EPB41L3: variants seen among roughly 807,000 people sequenced by gnomAD.
The protein encoded by EPB41L3 is erythrocyte membrane protein band 4.1 like 3.
EPB41L3 carries 57 observed loss-of-function variants against 127.1 expected under a neutral mutation model. The ratio of observed to expected loss-of-function variants is 0.45; its 90% CI spans 0.36 to 0.56. EPB41L3 has a LOEUF of 0.56. Ranked by LOEUF, EPB41L3 falls within the 20% of genes least tolerant of loss-of-function variation. The pLI is 0.00. For missense variants in EPB41L3, 1,273 were observed against 1,372.2 expected (o/e 0.93, Z 1.14); for synonymous variants, 572 against 549.5 (o/e 1.04, Z -0.57).
intron 3 of EPB41L3, among the ~76,000 whole-genome samples, chr18:5,593,257 CCT>C (rs2094503654): frequency 6.6e-6 from 1 of 151,682 alleles, no homozygotes; most frequent in African/African-American, 2.4e-5. Flanking sequence ...AAAATTCACC[CCT>C]GATATTTCAT....
chr18:5,476,069 C>CA (rs1156733194), intron 3 of EPB41L3, among the ~76,000 whole-genome samples: 1 of 152,048 alleles, frequency 6.6e-6, no homozygotes, highest in African/African-American at 2.4e-5. Context: ...TTTCAACTAG[C>CA]ACCTCATTGC....
At chr18:5,510,829 C>T (rs2092474033) in intron 1 of EPB41L3, among the ~76,000 whole-genome samples, 1 of 152,130 alleles carries the variant, frequency 6.6e-6, no homozygotes, top group South Asian at 2.1e-4. Context: ...CCATCACCCT[C>T]AAATTTTATC....
At chr18:5,541,033 C>G (rs1229452109) in intron 1 of EPB41L3, among the ~76,000 whole-genome samples, 2 of 137,822 alleles carry the variant, frequency 1.5e-5, no homozygotes, top group East Asian at 4.3e-4. Context: ...TGCAGTGAGC[C>G]GAGATCGCAC....
At chr18:5,488,879 GC>G in intron 2 of EPB41L3, 121 bp downstream of exon 2, 2 of 1,073,816 alleles carry the variant, frequency 1.9e-6, no homozygotes, top group Non-Finnish European at 2.6e-6. Context: ...TCTGCCTGGG[GC>G]TAGAAGGGGA....
Position 5,543,272 on chromosome 18 carries a change from C to G in EPB41L3, c.-12+641G>C, listed in dbSNP as rs1568547856. The G allele has an allele frequency of 6.6e-6, 1 of 150,818 alleles. No individual in the cohort carries two copies. Among genetic ancestry groups the G allele is most frequent in the Admixed American group, 6.6e-5 (1 of 15,126 alleles). The allele number at this position is 150,818 out of a possible 1,614,324, so 9.3% of individuals were successfully genotyped here. A position where few individuals can be genotyped will look rare whatever the true frequency, so the allele number is the denominator to read the frequency against. ...ACGAGGCAAGTTATATAAAAGCGGC[C>G]GGCCCCCCTGCCCAGCGGGGATGCT... is the stretch of plus-strand genomic sequence containing the variant. On this transcript the variant is annotated intron_variant, in intron 1 of 22. Coordinates refer to ENST00000341928, the MANE Select transcript of EPB41L3 (RefSeq NM_012307.5). The surrounding 1 kb of genome is among the most constrained non-coding windows in gnomAD (Gnocchi z 5.2).
chr18:5,627,491 T>C (rs2094934762), intron 1 of EPB41L3, among the ~76,000 whole-genome samples: 1 of 152,226 alleles, frequency 6.6e-6, no homozygotes, highest in Admixed American at 6.5e-5. Context: ...GCCTTCTTAT[T>C]TGAAGTGATT....
intron 3 of EPB41L3, among the ~76,000 whole-genome samples, chr18:5,567,888 G>A (rs1389778586): frequency 6.6e-6 from 1 of 152,024 alleles, no homozygotes; most frequent in Non-Finnish European, 1.5e-5. Flanking sequence ...ACTTAATCCA[G>A]AGAATATTTT....
At chr18:5,405,777 AAAACAAAC>A (rs10645523) in intron 16 of EPB41L3, among the ~76,000 whole-genome samples, 3 of 149,076 alleles carry the variant, frequency 2.0e-5, no homozygotes, top group Non-Finnish European at 3.0e-5. Context: ...CACCATCTCA[AAAACAAAC>A]AAACAAACAA....
intron 3 of EPB41L3, among the ~76,000 whole-genome samples, chr18:5,460,905 C>T (rs1191304471): frequency 6.6e-6 from 1 of 152,078 alleles, no homozygotes; most frequent in African/African-American, 2.4e-5. Flanking sequence ...ATACTGGGTG[C>T]ATTTATGTAA....
rs2093943567 is a variant in EPB41L3 at position 5,550,110 on chromosome 18, T to G, written c.-305-60949A>C. Reference sequence around the variant, plus strand: ...TGCAACTCTGACCTTAATTTCCAAGTTTTTACAAAGTTGCCAAGGGATGTC... The same window carrying G: ...TGCAACTCTGACCTTAATTTCCAAGGTTTTACAAAGTTGCCAAGGGATGTC... On this transcript the variant is annotated intron_variant, in intron 3 of 21. Transcript: ENST00000545076. Among the ~76,000 whole-genome samples the G allele has an allele frequency of 2.0e-5, 3 of 152,314 alleles. No homozygotes were observed. In the South Asian group the frequency reaches 6.2e-4, roughly 32 times the overall value.
intron 1 of EPB41L3, among the ~76,000 whole-genome samples, chr18:5,522,665 A>G (rs565103073): frequency 6.6e-6 from 1 of 152,364 alleles, no homozygotes; most frequent in East Asian, 1.9e-4. Flanking sequence ...AACACACTGA[A>G]TGTTTTTGAC....
At chr18:5,503,791 T>G (rs2091939322) in intron 1 of EPB41L3, among the ~76,000 whole-genome samples, 1 of 152,200 alleles carries the variant, frequency 6.6e-6, no homozygotes, top group Admixed American at 6.5e-5. Context: ...GATATGCCAT[T>G]TTGTTTTTCT....
chr18:5,453,909 G>T (rs910177636), intron 3 of EPB41L3, among the ~76,000 whole-genome samples: 1 of 152,092 alleles, frequency 6.6e-6, no homozygotes, highest in African/African-American at 2.4e-5. Flanking sequence ...TTCCCCCCAT[G>T]CTTCCTGCCC....
chr18:5,582,985 G>A (rs1186491772), intron 3 of EPB41L3, among the ~76,000 whole-genome samples: 2 of 152,188 alleles, frequency 1.3e-5, no homozygotes, highest in African/African-American at 4.8e-5. Context: ...TGATGGAAGG[G>A]ACCCTGCGGA....
chr18:5,407,716 T>A lies in EPB41L3; in HGVS notation c.2142A>T (p.Ala714=), dbSNP rs957686879. Residue 714 remains alanine, a synonymous_variant, in exon 15 of 23, where the codon GCA becomes GCT. Transcript: ENST00000341928. ...TATESDQEED[A]ELKAQELEKT... ...AATTTTCTACCTGTGCCTTGAGCTC[T>A]GCATCTTCCTCCTGGTCCGACTGCC... 3 of 1,614,090 alleles carry A rather than the reference T, an allele frequency of 1.9e-6. No individual in the cohort carries two copies. The highest frequency in any genetic ancestry group is 2.5e-6 in the Non-Finnish European group (3 of 1,179,972).
chr18:5,571,333 C>A (rs2094278065), intron 3 of EPB41L3, among the ~76,000 whole-genome samples: 1 of 152,178 alleles, frequency 6.6e-6, no homozygotes, highest in Non-Finnish European at 1.5e-5. Flanking sequence ...TCTCTTGTCT[C>A]TATTTTGAAA....
At chr18:5,524,157 C>T (rs910174987) in intron 1 of EPB41L3, among the ~76,000 whole-genome samples, 2 of 151,992 alleles carry the variant, frequency 1.3e-5, no homozygotes, top group East Asian at 1.9e-4. Context: ...AGTAACTGGC[C>T]GGACTCTTTT....
chr18:5,529,473 G>C (rs1023258057), intron 1 of EPB41L3, among the ~76,000 whole-genome samples: 1 of 152,044 alleles, frequency 6.6e-6, no homozygotes, highest in Non-Finnish European at 1.5e-5. Context: ...CAGAACACAG[G>C]GGGTTGAAGA....
intron 3 of EPB41L3, among the ~76,000 whole-genome samples, chr18:5,465,051 T>C (rs2084709699): frequency 6.6e-6 from 1 of 152,202 alleles, no homozygotes; most frequent in Non-Finnish European, 1.5e-5. Flanking sequence ...TATTCAGGCT[T>C]GTTAAACACC....
Sources: gnomAD v4.1 joint callset for allele counts (sites outside exome capture counted in the v4.1 genomes callset) on GRCh38, gnomAD v4.1.1 for gene constraint, Gnocchi (gnomAD v3.1) non-coding constraint, MANE v1.5 for transcripts, NCBI Gene and HGNC (gene_info 2026-07-23, HGNC 2026-07-21) for gene names.